Variants in KAZN observed in about 807,000 individuals in gnomAD.
The protein encoded by KAZN is kazrin, periplakin interacting protein.
Under a neutral mutation model 87.4 loss-of-function variants are expected in KAZN, and 40 were observed. The observed-to-expected ratio is 0.46, with a 90% CI of 0.36 to 0.60. The LOEUF (loss-of-function observed/expected upper bound fraction) is 0.60. Among genes scored for constraint, KAZN ranks in the 20% least tolerant of loss-of-function variants. The pLI, the probability that KAZN is intolerant of heterozygous loss-of-function variation, is 0.00. For synonymous variants in KAZN, 466 were observed against 458.3 expected (o/e 1.02, Z -0.22); for missense variants, 898 against 1,073.9 (o/e 0.84, Z 2.29).
At chr1:14,129,399 T>A (rs1186323773) in intron 1 of KAZN, among the ~76,000 whole-genome samples, 1 of 152,186 alleles carries the variant, frequency 6.6e-6, no homozygotes, top group African/African-American at 2.4e-5. Context: ...TTCTTATCCA[T>A]CAGCCAAGTT....
intron 2 of KAZN, among the ~76,000 whole-genome samples, chr1:14,412,631 G>T (rs189787615): frequency 1.4e-4 from 21 of 152,178 alleles, no homozygotes; most frequent in Admixed American, 1.3e-3. Flanking sequence ...AAAATCTAGA[G>T]AAAGGAAGGG....
At chr1:14,717,845 G>A (rs1027586438) in intron 1 of KAZN, among the ~76,000 whole-genome samples, 1 of 152,160 alleles carries the variant, frequency 6.6e-6, no homozygotes, top group African/African-American at 2.4e-5. Flanking sequence ...GATGCAATGT[G>A]GATGCGCTTC....
At chr1:13,916,524 CT>C (rs1226854153) in intron 1 of KAZN, among the ~76,000 whole-genome samples, 2 of 152,166 alleles carry the variant, frequency 1.3e-5, no homozygotes, top group East Asian at 3.9e-4. Flanking sequence ...GTGCCAGGTG[CT>C]ACACATTTAG....
rs150751716 is a variant in KAZN, at chr1:15,086,131, C to T, written c.1223-8049C>T. On this transcript the variant is annotated intron_variant, in intron 8 of 14. Coordinates refer to ENST00000376030, the MANE Select transcript of KAZN (RefSeq NM_201628.3). Reference sequence around the variant, plus strand: ...GATTACAGGCGCCCCCGACCACGCCCGGCTAATTTTGGTATTTTTAGTAGA... The same window carrying T: ...GATTACAGGCGCCCCCGACCACGCCTGGCTAATTTTGGTATTTTTAGTAGA... 2.1e-3 allele frequency among the ~76,000 whole-genome samples: 326 copies of T among 152,152 alleles called. 8 individuals are homozygous for T. The highest frequency in any genetic ancestry group is 0.014 in the Admixed American group (217 of 15,280).
chr1:14,879,196 G>C (rs1653071209), intron 1 of KAZN, among the ~76,000 whole-genome samples: 2 of 152,140 alleles, frequency 1.3e-5, no homozygotes, highest in Admixed American at 1.3e-4. Context: ...CTGGTCACCT[G>C]GTTCCTGGAG....
intron 1 of KAZN, among the ~76,000 whole-genome samples, chr1:14,695,471 A>G (rs935240790): frequency 6.8e-6 from 1 of 147,424 alleles, no homozygotes; most frequent in Non-Finnish European, 1.5e-5. Flanking sequence ...GTCTCAGGTG[A>G]CTTTGGAATG....
At chr1:15,022,844 G>A (rs1167808741) in intron 2 of KAZN, among the ~76,000 whole-genome samples, 1 of 152,216 alleles carries the variant, frequency 6.6e-6, no homozygotes, top group Non-Finnish European at 1.5e-5. Flanking sequence ...CACAGCTGCG[G>A]GTTCTACCTG....
At chr1:14,302,305 A>G (rs1212375954) in intron 2 of KAZN, among the ~76,000 whole-genome samples, 2 of 152,220 alleles carry the variant, frequency 1.3e-5, no homozygotes, top group African/African-American at 2.4e-5. Flanking sequence ...TCTCAAATCA[A>G]CGCAGAACAT....
chr1:14,225,905 C>A (rs569184989), intron 2 of KAZN, among the ~76,000 whole-genome samples: 4 of 152,152 alleles, frequency 2.6e-5, no homozygotes, highest in African/African-American at 9.6e-5. Context: ...ACTGTAAAAA[C>A]CCTGGAAGAC....
intron 1 of KAZN, among the ~76,000 whole-genome samples, chr1:14,684,636 T>C (rs2148769724): frequency 6.6e-6 from 1 of 152,356 alleles, no homozygotes; most frequent in East Asian, 1.9e-4. Context: ...TTCTAGCTTC[T>C]AGAGGCTGCC....
At chr1:14,515,378 C>T (rs900348599) in intron 2 of KAZN, among the ~76,000 whole-genome samples, 4 of 152,184 alleles carry the variant, frequency 2.6e-5, no homozygotes, top group South Asian at 2.1e-4. Context: ...CTGATACTTG[C>T]GAGGCAGTGT....
At chr1:14,419,956 G>C (rs569424088) in intron 2 of KAZN, among the ~76,000 whole-genome samples, 62 of 152,284 alleles carry the variant, frequency 4.1e-4, no homozygotes, top group African/African-American at 1.4e-3. Flanking sequence ...AGGTGGAAGG[G>C]AACATTAGGG....
At chr1:15,048,829 T>C (rs1673960573) in intron 4 of KAZN, among the ~76,000 whole-genome samples, 1 of 151,300 alleles carries the variant, frequency 6.6e-6, no homozygotes, top group South Asian at 2.1e-4. Context: ...TTGTTGGTGC[T>C]GGGTCGTTGG....
intron 2 of KAZN, among the ~76,000 whole-genome samples, chr1:15,015,391 T>C (rs1164077190): frequency 6.6e-6 from 1 of 152,124 alleles, no homozygotes; most frequent in Non-Finnish European, 1.5e-5. Context: ...GACCTCGTGA[T>C]CCTCCCGCCT....
intron 2 of KAZN, among the ~76,000 whole-genome samples, chr1:14,255,918 C>G (rs1009718565): frequency 9.9e-5 from 15 of 152,228 alleles, no homozygotes; most frequent in African/African-American, 3.1e-4. Flanking sequence ...GTGAGTCATC[C>G]CTGGTAACCC....
intron 1 of KAZN, among the ~76,000 whole-genome samples, chr1:14,837,167 C>T (rs1647343972): frequency 6.6e-6 from 1 of 152,104 alleles, no homozygotes; most frequent in Non-Finnish European, 1.5e-5. Context: ...CTTCATTTAT[C>T]ATTATGGTGC....
intron 1 of KAZN, among the ~76,000 whole-genome samples, chr1:13,962,092 T>G (rs577200904): frequency 6.6e-6 from 1 of 152,312 alleles, no homozygotes; most frequent in East Asian, 1.9e-4. Flanking sequence ...TGTCCTCTTT[T>G]TCCTGTTGTG....
At chr1:15,026,826 T>C (rs1671210228) in intron 2 of KAZN, among the ~76,000 whole-genome samples, 1 of 152,230 alleles carries the variant, frequency 6.6e-6, no homozygotes, top group Admixed American at 6.5e-5. Context: ...TTACATAGCA[T>C]CTACATTGTA....
chr1:14,203,613 T>C (rs1646683421), intron 2 of KAZN, among the ~76,000 whole-genome samples: 3 of 152,206 alleles, frequency 2.0e-5, no homozygotes, highest in Non-Finnish European at 2.9e-5. Context: ...AAAGTAATAA[T>C]TGACTCGAGA....
Sources: allele counts gnomAD v4.1 joint callset (sites outside exome capture counted in the v4.1 genomes callset), GRCh38; gene constraint gnomAD v4.1.1; transcripts MANE v1.5; gene names NCBI Gene and HGNC (gene_info 2026-07-23, HGNC 2026-07-21).